The following DNAH5 variants were observed in gnomAD, a reference collection of about 807,000 sequenced individuals.
The protein encoded by DNAH5 is dynein axonemal heavy chain 5.
Under a neutral mutation model 518.2 loss-of-function variants are expected in DNAH5, and 372 were observed. The observed-to-expected ratio is 0.72, with a 90% CI of 0.66 to 0.78. The LOEUF (loss-of-function observed/expected upper bound fraction) is 0.78, where lower values mean the gene tolerates loss of function less well. Ranked by LOEUF, DNAH5 falls within the 30% of genes least tolerant of loss-of-function variation. The probability of loss-of-function intolerance (pLI) is 0.00; values close to 1 mark genes in which losing one functional copy is unlikely to be tolerated. For synonymous variants in DNAH5, 2,039 were observed against 2,025.9 expected (o/e 1.01, Z -0.17); for missense variants, 5,523 against 5,687.0 (o/e 0.97, Z 0.93).
Position 13,862,855 on chromosome 5 carries a change from T to TAA in DNAH5, c.4597-109_4597-108insTT, listed in dbSNP as rs201125259. On this transcript the variant is annotated intron_variant, in intron 28 of 78. Transcript: ENST00000265104. Reference sequence around the variant, plus strand: ...ACTATTTGCTTCATATATATATAAATATATATATAAACTTTTATATTTCCA... The same window carrying TAA: ...ACTATTTGCTTCATATATATATAAATAAATATATATAAACTTTTATATTTCCA... 0.011 allele frequency: 3,393 copies of TAA among 298,042 alleles called. 147 individuals carry two copies. The highest frequency in any genetic ancestry group is 0.072 in the African/African-American group (3,126 of 43,646). 18.5% of individuals were successfully genotyped at this position (298,042 alleles called of 1,614,324 possible).
At chr5:13,827,972 T>A (rs191456753) in intron 38 of DNAH5, among the ~76,000 whole-genome samples, 58 of 152,346 alleles carry the variant, frequency 3.8e-4, no homozygotes, top group Admixed American at 2.0e-3. Context: ...TCCTGAGGCC[T>A]TCCCAGCCAT....
At chr5:13,735,366 T>A (rs144442951) in intron 67 of DNAH5, 45 bp from the exon 68 acceptor site, 3 of 1,567,946 alleles carry the variant, frequency 1.9e-6, no homozygotes, top group South Asian at 2.2e-5. Context: ...ACTGCCCTTT[T>A]CAATTGTCTG....
At chr5:13,981,795 A>C (rs1324642163) in intron 1 of DNAH5, among the ~76,000 whole-genome samples, 3 of 152,232 alleles carry the variant, frequency 2.0e-5, no homozygotes, top group African/African-American at 7.2e-5. Flanking sequence ...AGGGGAAAGA[A>C]GAGTTACAGA....
chr5:13,720,871 A>C lies in DNAH5; in HGVS notation c.12279+129T>G. The C allele has an allele frequency of 1.4e-5, 18 of 1,302,074 alleles. No homozygotes were observed. In the South Asian group the frequency reaches 2.5e-4, roughly 18 times the overall value. 80.7% of individuals were successfully genotyped at this position (1,302,074 alleles called of 1,614,324 possible). A position where few individuals can be genotyped will look rare whatever the true frequency, so the allele number is the denominator to read the frequency against. On this transcript the variant is annotated intron_variant, in intron 71 of 78. Transcript: ENST00000265104. Reference sequence around the variant, plus strand: ...ATGTTAGCTTAAATTTAAAAAAAAAACGCTGTTTAGTAAACAGCAGGCAGC... The same window carrying C: ...ATGTTAGCTTAAATTTAAAAAAAAACCGCTGTTTAGTAAACAGCAGGCAGC...
At position 13,856,223 on chromosome 5, in the gene DNAH5, A is replaced by C. The variant is rs184034622; in HGVS notation, c.4950+3229T>G. ...TGAATCCAGGAGCTGGTTTTTTGAA[A>C]AGATCAACAAAACAGATAGACTGCT... is the stretch of plus-strand genomic sequence containing the variant. On this transcript the variant is annotated intron_variant, in intron 30 of 78. Coordinates refer to ENST00000265104, the MANE Select transcript of DNAH5 (RefSeq NM_001369.3). Among the ~76,000 whole-genome samples, 260 of 152,328 alleles carry C rather than the reference A, an allele frequency of 1.7e-3. 2 individuals are homozygous for C. Among genetic ancestry groups the C allele is most frequent in the African/African-American group, 5.8e-3 (242 of 41,576 alleles).
At chr5:13,921,366 C>T (rs1777234377) in intron 5 of DNAH5, among the ~76,000 whole-genome samples, 1 of 151,874 alleles carries the variant, frequency 6.6e-6, no homozygotes, top group Non-Finnish European at 1.5e-5. Flanking sequence ...CCTACCTGCC[C>T]CTACATGCCT....
In DNAH5 at chr5:13,841,110, C is replaced by T; in HGVS notation, c.5505G>A (p.Gln1835=). The change falls in exon 34 of 79, where the codon CAG becomes CAA. Residue 1835 remains glutamine (Q), a synonymous_variant. Transcript: ENST00000265104. ...CTTCTGAATCCCGTGTCCATATCAT[C>T]TGAATTCCTAATAATCCAACCTTAT... ...FPAQVGLLGI[Q]MIWTRDSEEA... is the part of the protein sequence containing the mutation. The T allele has an allele frequency of 6.2e-7, 1 of 1,613,970 alleles. No individual in the cohort carries two copies. Among genetic ancestry groups the T allele is most frequent in the Non-Finnish European group, 8.5e-7 (1 of 1,179,902 alleles).
rs190264932 is a variant in DNAH5, at chr5:13,713,256, C to G, written c.13125+1149G>C. Among the ~76,000 whole-genome samples the G allele has an allele frequency of 6.0e-3, 835 of 139,638 alleles. 12 individuals carry two copies. Among genetic ancestry groups the G allele is most frequent in the African/African-American group, 0.021 (773 of 37,466 alleles). The allele number at this position is 139,638 out of a possible 152,430, so 91.6% of individuals were successfully genotyped here. A position where few individuals can be genotyped will look rare whatever the true frequency, so the allele number is the denominator to read the frequency against. On this transcript the variant is annotated intron_variant, in intron 75 of 78. Transcript: ENST00000265104. ...ATGTATATACCAACATATATATATA[C>G]CGACATATATATACCGACATATATA...
At chr5:13,928,704 C>G (rs1580934629) in intron 2 of DNAH5, among the ~76,000 whole-genome samples, 2 of 152,224 alleles carry the variant, frequency 1.3e-5, no homozygotes, top group East Asian at 3.8e-4. Context: ...GTCTACAAGT[C>G]TAACAAATGG....
At chr5:13,880,600 A>T (rs1418200030) in intron 21 of DNAH5, among the ~76,000 whole-genome samples, 1 of 152,028 alleles carries the variant, frequency 6.6e-6, no homozygotes, top group African/African-American at 2.4e-5. Context: ...TGCAATCAAA[A>T]CTATGTTGTT....
chr5:13,930,797 C>T (rs1042365964), intron 2 of DNAH5, among the ~76,000 whole-genome samples: 6 of 152,182 alleles, frequency 3.9e-5, no homozygotes, highest in Non-Finnish European at 5.9e-5. Context: ...CAACTTGAAA[C>T]GAGATTCTGT....
chr5:13,712,687 A>G (rs573901142), intron 75 of DNAH5, among the ~76,000 whole-genome samples: 2 of 152,348 alleles, frequency 1.3e-5, no homozygotes, highest in African/African-American at 4.8e-5. Context: ...TCTCAAAAGA[A>G]GATATACAAG....
At chr5:13,915,682 C>T (rs1776571181) in intron 9 of DNAH5, among the ~76,000 whole-genome samples, 1 of 152,058 alleles carries the variant, frequency 6.6e-6, no homozygotes, top group South Asian at 2.1e-4. Flanking sequence ...GTATTCAGAA[C>T]ACGAGTCTTG....
At chr5:13,905,296 T>G (rs4701999) in intron 12 of DNAH5, among the ~76,000 whole-genome samples, 1 of 152,146 alleles carries the variant, frequency 6.6e-6, no homozygotes. Context: ...GCCCTGAGGG[T>G]TCTGCTCCCA....
chr5:13,836,737 G>C (rs2151851241), intron 35 of DNAH5, among the ~76,000 whole-genome samples: 1 of 152,326 alleles, frequency 6.6e-6, no homozygotes, highest in East Asian at 1.9e-4. Context: ...CAGCTAATGG[G>C]ACTTTGCAGA....
At chr5:13,791,316 A>C (rs563240136) in intron 50 of DNAH5, among the ~76,000 whole-genome samples, 2 of 152,194 alleles carry the variant, frequency 1.3e-5, no homozygotes, top group Non-Finnish European at 2.9e-5. Flanking sequence ...ACCCTGTCTT[A>C]GCCTGGGCAC....
At chr5:13,958,401 G>A (rs1581042427) in intron 1 of DNAH5, among the ~76,000 whole-genome samples, 1 of 152,160 alleles carries the variant, frequency 6.6e-6, no homozygotes, top group Non-Finnish European at 1.5e-5. Flanking sequence ...TATTTACTGG[G>A]TATTTGTGTT....
intron 65 of DNAH5, among the ~76,000 whole-genome samples, chr5:13,747,542 C>T (rs1358907037): frequency 1.3e-5 from 2 of 152,160 alleles, no homozygotes; most frequent in East Asian, 3.9e-4. Flanking sequence ...ACATCCTCTC[C>T]AGCATGTTGC....
In DNAH5 at chr5:13,840,838, T is replaced by C; in HGVS notation, c.5709+68A>G. ...TTGAATTCAATCAAACTAGTTCTAC[T>C]GGGTAAATGCAGATAGTGTCTAGAA... On this transcript the variant is annotated intron_variant, in intron 34 of 78. Transcript: ENST00000265104. The C allele has an allele frequency of 7.8e-6, 10 of 1,278,212 alleles. No individual in the cohort carries two copies. In the South Asian group the frequency reaches 1.2e-4, roughly 16 times the overall value. The allele number at this position is 1,278,212 out of a possible 1,614,324, so 79.2% of individuals were successfully genotyped here.
Sources: allele counts gnomAD v4.1 joint callset (sites outside exome capture counted in the v4.1 genomes callset), GRCh38; gene constraint gnomAD v4.1.1; transcripts MANE v1.5; gene names NCBI Gene and HGNC (gene_info 2026-07-23, HGNC 2026-07-21).